Variants in ACTR3C observed in about 807,000 individuals in gnomAD.
ACTR3C encodes the protein actin-related protein 3C.
ACTR3C carries 18 observed loss-of-function variants against 26.3 expected under a neutral mutation model. The ratio of observed to expected loss-of-function variants is 0.68; its 90% CI spans 0.47 to 1.01. The LOEUF (loss-of-function observed/expected upper bound fraction) is 1.01. Among genes scored for constraint, ACTR3C ranks in the 50% least tolerant of loss-of-function variants. The probability of loss-of-function intolerance (pLI) is 0.00; values close to 1 mark genes in which losing one functional copy is unlikely to be tolerated. For missense variants in ACTR3C, 184 were observed against 250.7 expected (o/e 0.73, Z 1.80); for synonymous variants, 55 against 94.5 (o/e 0.58, Z 2.42).
At chr7:150,014,831 T>C in the ACTR3C span, among the ~76,000 whole-genome samples, 4 of 152,332 alleles carry the variant, frequency 2.6e-5, no homozygotes, top group African/African-American at 9.6e-5. Context: ...ATTAGGTGAC[T>C]TCTTGCCACT....
chr7:150,214,666 C>T, the ACTR3C span, among the ~76,000 whole-genome samples: 570 of 152,102 alleles, frequency 3.7e-3, 3 homozygotes, highest in African/African-American at 0.013. Context: ...CACCAAATTC[C>T]GAAAGATGGT....
the ACTR3C span, among the ~76,000 whole-genome samples, chr7:150,041,794 G>C: frequency 1.5e-4 from 21 of 140,416 alleles, no homozygotes; most frequent in African/African-American, 5.8e-4. Flanking sequence ...CCTCGCGGGG[G>C]GTGCCTCCCC....
the ACTR3C span, among the ~76,000 whole-genome samples, chr7:149,959,587 C>A: frequency 6.6e-6 from 1 of 152,134 alleles, no homozygotes; most frequent in Non-Finnish European, 1.5e-5. Flanking sequence ...GGGCTGGTTT[C>A]CAGCAGGGAC....
the ACTR3C span, among the ~76,000 whole-genome samples, chr7:149,934,164 T>C: frequency 6.6e-6 from 1 of 151,820 alleles, no homozygotes; most frequent in Non-Finnish European, 1.5e-5. Context: ...AATGATCAGA[T>C]TCCAGGTGTC....
chr7:150,079,342 T>C, the ACTR3C span, among the ~76,000 whole-genome samples: 1 of 152,284 alleles, frequency 6.6e-6, no homozygotes, highest in Admixed American at 6.5e-5. Context: ...ATTTTATGAC[T>C]TCCTGTCCTC....
the ACTR3C span, among the ~76,000 whole-genome samples, chr7:150,232,529 A>T: frequency 2.0e-5 from 3 of 148,828 alleles, no homozygotes; most frequent in Non-Finnish European, 4.4e-5. Flanking sequence ...TACATATTTT[A>T]AAAATATTTT....
At chr7:150,094,402 G>A in the ACTR3C span, among the ~76,000 whole-genome samples, 2 of 149,680 alleles carry the variant, frequency 1.3e-5, no homozygotes, top group Admixed American at 6.6e-5. Flanking sequence ...CCAACATCTT[G>A]GGGCCCACCA....
the ACTR3C span, among the ~76,000 whole-genome samples, chr7:150,017,407 G>GAACCCGGGAGGCAGAGGT: frequency 2.2e-4 from 33 of 150,716 alleles, no homozygotes; most frequent in African/African-American, 5.7e-4. Flanking sequence ...CACAGACCAG[G>GAACCCGGGAGGCAGAGGT]TCCATTCTCC....
chr7:150,046,349 C>CG, the ACTR3C span, among the ~76,000 whole-genome samples: 2 of 36,106 alleles, frequency 5.5e-5, no homozygotes, highest in Admixed American at 3.8e-4. Flanking sequence ...GTCTCACCGC[C>CG]CCCCCCCCCC....
At chr7:150,056,312 T>C in the ACTR3C span, among the ~76,000 whole-genome samples, 4 of 152,210 alleles carry the variant, frequency 2.6e-5, no homozygotes, top group Non-Finnish European at 2.9e-5. Context: ...TTCTCATTAA[T>C]GAAAACAAAT....
the ACTR3C span, among the ~76,000 whole-genome samples, chr7:150,055,628 G>A: frequency 6.6e-6 from 1 of 152,046 alleles, no homozygotes; most frequent in Non-Finnish European, 1.5e-5. Flanking sequence ...CAGGAAGAAG[G>A]TAGAAATCAA....
chr7:150,312,965 CA>C (rs1398053470), intron 1 of ACTR3C, among the ~76,000 whole-genome samples: 1 of 152,114 alleles, frequency 6.6e-6, no homozygotes, highest in African/African-American at 2.4e-5. Context: ...ACTGATTGAC[CA>C]ACCTTATGAC....
At chr7:150,321,362 G>A (rs117304077) in intron 1 of ACTR3C, among the ~76,000 whole-genome samples, 1 of 152,284 alleles carries the variant, frequency 6.6e-6, no homozygotes, top group Non-Finnish European at 1.5e-5. Context: ...GTAACATGCT[G>A]TGTGAGTCTC....
chr7:150,227,688 G>GTTTTTTTTTTTTTTTTTTTTTTTTT, the ACTR3C span, among the ~76,000 whole-genome samples: 9 of 111,378 alleles, frequency 8.1e-5, no homozygotes, highest in South Asian at 2.9e-4. Flanking sequence ...TTGTGTCTGG[G>GTTTTTTTTTTTTTTTTTTTTTTTTT]TTTTTTTTTT....
At chr7:150,107,100 C>G in the ACTR3C span, among the ~76,000 whole-genome samples, 99,462 of 142,530 alleles carry the variant, frequency 0.7, 38,299 homozygotes, top group South Asian at 0.73. Context: ...GGGGTGGGGA[C>G]AAATGCACAC....
the ACTR3C span, among the ~76,000 whole-genome samples, chr7:150,039,565 A>T: frequency 4.2e-3 from 474 of 113,770 alleles, no homozygotes; most frequent in African/African-American, 0.014. Flanking sequence ...GGGAAGAGGG[A>T]CTGGCTCTCA....
chr7:149,893,933 T>A, the ACTR3C span, among the ~76,000 whole-genome samples: 1 of 152,080 alleles, frequency 6.6e-6, no homozygotes, highest in African/African-American at 2.4e-5. Flanking sequence ...GAAAAAATAA[T>A]CCTAAGTTCA....
chr7:150,047,561 T>C, the ACTR3C span: 1 of 836,810 alleles, frequency 1.2e-6, no homozygotes, highest in Non-Finnish European at 1.4e-6. Context: ...CGCTGCGCGC[T>C]CAGCCCGGAG....
the ACTR3C span, among the ~76,000 whole-genome samples, chr7:150,070,894 A>C: frequency 6.8e-6 from 1 of 148,044 alleles, no homozygotes; most frequent in Non-Finnish European, 1.5e-5. Context: ...TCCCGGGTTC[A>C]TGCCATTCTC....
Sources: allele counts gnomAD v4.1 joint callset (sites outside exome capture counted in the v4.1 genomes callset), GRCh38; gene constraint gnomAD v4.1.1; transcripts MANE v1.5; gene names NCBI Gene and HGNC (gene_info 2026-07-23, HGNC 2026-07-21).